TMCO4: variants seen among roughly 807,000 people sequenced by gnomAD.
TMCO4 encodes transmembrane and coiled-coil domain-containing protein 4.
In TMCO4, 58 loss-of-function variants were observed where a neutral mutation model predicts 64.7. The observed-to-expected ratio is 0.90, with a 90% confidence interval of 0.73 to 1.12. The LOEUF (loss-of-function observed/expected upper bound fraction) is 1.12. Ranked by LOEUF, TMCO4 falls within the 50% of genes most tolerant of loss-of-function variation. The pLI is 0.00. For missense variants in TMCO4, 780 were observed against 825.9 expected (o/e 0.94, Z 0.68); for synonymous variants, 325 against 346.1 (o/e 0.94, Z 0.68).
chr1:19,689,613 T>C (rs1202864589), intron 15 of TMCO4, among the ~76,000 whole-genome samples: 2 of 152,258 alleles, frequency 1.3e-5, no homozygotes, highest in Non-Finnish European at 2.9e-5. Context: ...CATGCCTCTC[T>C]GGTGCCAAAG....
chr1:19,752,610 A>T (rs1274325034), intron 7 of TMCO4, among the ~76,000 whole-genome samples: 1 of 152,108 alleles, frequency 6.6e-6, no homozygotes, highest in East Asian at 1.9e-4. Flanking sequence ...AGGTCTACAG[A>T]CACTTTCCTA....
intron 13 of TMCO4, among the ~76,000 whole-genome samples, chr1:19,729,898 T>C (rs1484730087): frequency 6.6e-6 from 1 of 152,238 alleles, no homozygotes; most frequent in East Asian, 1.9e-4. Context: ...TGCATGCCTG[T>C]ATTAAAATAT....
intron 6 of TMCO4, among the ~76,000 whole-genome samples, chr1:19,758,889 T>C (rs1448745568): frequency 1.3e-5 from 2 of 151,898 alleles, no homozygotes; most frequent in Non-Finnish European, 2.9e-5. Context: ...TCACTTGAGG[T>C]CAGGAGTTCA....
At chr1:19,770,640 T>C (rs2042939060) in intron 5 of TMCO4, 71 bp from the exon 6 acceptor site, 2 of 1,498,800 alleles carry the variant, frequency 1.3e-6, no homozygotes, top group Admixed American at 3.8e-5. Context: ...TGACAAATAT[T>C]GACTCCTACC....
Position 19,745,513 on chromosome 1 carries a change from T to C in TMCO4, c.877+19A>G. 1 of 1,614,036 alleles carries C rather than the reference T, an allele frequency of 6.2e-7. No homozygotes were observed. ...ACCACTGCCCACCCCCCTCCACTTC[T>C]GGTCCTCCTGGTCCTCACGGTATTT... On this transcript the variant is annotated intron_variant, in intron 10 of 15. Transcript: ENST00000294543.
rs1244864461 is a variant in TMCO4 at position 19,770,561 on chromosome 1, C to T, written c.363G>A (p.Leu121=). 6.2e-7 allele frequency: 1 copy of T among 1,613,610 alleles called. No individual in the cohort carries two copies. Among genetic ancestry groups the T allele is most frequent in the African/African-American group, 1.3e-5 (1 of 74,898 alleles). ...DDPTVITQDL[L]SFSLKDGHYD... ...ACTTACCATCCTTGAGTGAGAAGCT[C>T]AGAAGGTCCTGAGGGAGAAGACAAC... The change falls in exon 6 of 16, where the codon CTG becomes CTA. Residue 121 remains leucine (L), a synonymous_variant. Transcript: ENST00000294543.
In TMCO4 at chr1:19,732,053, G is replaced by A. The variant is rs547585941; in HGVS notation, c.1264+5319C>T. ...GGACAGCGGGGGTTTTAAACTGAGCGGGGCCTGTGCACCCAGCTGCATGGG... is the reference window on the plus strand; with the variant it reads ...GGACAGCGGGGGTTTTAAACTGAGCAGGGCCTGTGCACCCAGCTGCATGGG... On this transcript the variant is annotated intron_variant, in intron 13 of 15. Coordinates refer to ENST00000294543, the MANE Select transcript of TMCO4 (RefSeq NM_181719.7). The surrounding 1 kb of genome is among the most constrained non-coding windows in gnomAD (Gnocchi z 4.8). Among the ~76,000 whole-genome samples the A allele has an allele frequency of 4.6e-5, 7 of 152,178 alleles. No individual in the cohort carries two copies. The highest frequency in any genetic ancestry group is 2.0e-4 in the Admixed American group (3 of 15,276).
intron 2 of TMCO4, among the ~76,000 whole-genome samples, chr1:19,797,505 G>A (rs1016537207): frequency 3.3e-5 from 5 of 152,108 alleles, no homozygotes; most frequent in African/African-American, 7.2e-5. Context: ...GCGGCTGGAG[G>A]TGTAGGCCAG....
intron 6 of TMCO4, among the ~76,000 whole-genome samples, chr1:19,761,192 T>C (rs996646720): frequency 5.9e-5 from 9 of 152,114 alleles, no homozygotes; most frequent in Admixed American, 5.9e-4. Context: ...GCAGCCTGGG[T>C]GCAGATGCTG....
chr1:19,729,708 T>A (rs2100782483), intron 13 of TMCO4, among the ~76,000 whole-genome samples: 1 of 152,124 alleles, frequency 6.6e-6, no homozygotes, highest in East Asian at 1.9e-4. Context: ...GAGGTTGCAG[T>A]AAGCTGAGAT....
chr1:19,710,736 A>G (rs1010516856), intron 13 of TMCO4, among the ~76,000 whole-genome samples: 4 of 152,248 alleles, frequency 2.6e-5, no homozygotes, highest in African/African-American at 9.6e-5. Flanking sequence ...GACACCTGAC[A>G]TCTTTCAAAA....
chr1:19,737,348 T>G (rs1272553096), intron 13 of TMCO4, 24 bp downstream of exon 13: 4 of 1,604,718 alleles, frequency 2.5e-6, no homozygotes, highest in Non-Finnish European at 3.4e-6. Context: ...AGGGTTTCCG[T>G]CTGTGACAAT....
At chr1:19,716,233 G>T in intron 13 of TMCO4, among the ~76,000 whole-genome samples, 1 of 150,086 alleles carries the variant, frequency 6.7e-6, no homozygotes, top group Non-Finnish European at 1.5e-5. Context: ...TGTCCAGGCT[G>T]GAGCGCAGTG....
At chr1:19,688,030 T>C (rs116279836) in intron 15 of TMCO4, among the ~76,000 whole-genome samples, 1,547 of 152,212 alleles carry the variant, frequency 0.01, 17 homozygotes, top group South Asian at 0.029. Flanking sequence ...AAAGTTCTGG[T>C]GTAGCCGATA....
At chr1:19,736,786 C>T (rs2095456774) in intron 13 of TMCO4, among the ~76,000 whole-genome samples, 1 of 152,146 alleles carries the variant, frequency 6.6e-6, no homozygotes, top group Non-Finnish European at 1.5e-5. Context: ...TGGTGAACCC[C>T]CAGAAGATAT....
chr1:19,771,602 G>C, intron 4 of TMCO4, 120 bp from the exon 5 acceptor site: 1 of 998,774 alleles, frequency 1.0e-6, no homozygotes, highest in Non-Finnish European at 1.4e-6. Flanking sequence ...TACTGACTGT[G>C]ATCCCTCAAA....
rs199727655 is a variant in TMCO4 at position 19,745,532 on chromosome 1, G to A, written c.877C>T (p.Arg293Cys). Reference sequence around the variant, plus strand: ...CACTTCTGGTCCTCCTGGTCCTCACGGTATTTGCCAGAAGCGAGCCACCCC... The same window carrying A: ...CACTTCTGGTCCTCCTGGTCCTCACAGTATTTGCCAGAAGCGAGCCACCCC... ...VTGWLASGKYRTFSAPWAALA... is the reference protein window; with the variant it reads ...VTGWLASGKYCTFSAPWAALA... The change falls in exon 10 of 16, where the codon CGC becomes TGC. Residue 293 changes from arginine (R) to cysteine (C), a missense_variant and splice_region_variant. Physicochemically the swap from Arg to Cys is radical, Grantham distance 180 (BLOSUM62 -3). Coordinates refer to ENST00000294543, the MANE Select transcript of TMCO4 (RefSeq NM_181719.7). 2.8e-4 allele frequency: 451 copies of A among 1,613,918 alleles called. No individual in the cohort carries two copies. Among genetic ancestry groups the A allele is most frequent in the Non-Finnish European group, 3.5e-4 (414 of 1,180,012 alleles).
At chr1:19,749,894 G>A (rs2041953641) in intron 7 of TMCO4, among the ~76,000 whole-genome samples, 1 of 151,202 alleles carries the variant, frequency 6.6e-6, no homozygotes, top group Admixed American at 6.6e-5. Flanking sequence ...ACTTGTTATG[G>A]CAGCAAAACC....
chr1:19,751,519 C>A (rs981562653), intron 7 of TMCO4, among the ~76,000 whole-genome samples: 2 of 152,150 alleles, frequency 1.3e-5, no homozygotes, highest in Non-Finnish European at 2.9e-5. Flanking sequence ...ATCGCTTGAA[C>A]CTGCGAGGTC....
Sources: gnomAD v4.1 joint callset for allele counts (sites outside exome capture counted in the v4.1 genomes callset) on GRCh38, gnomAD v4.1.1 for gene constraint, Gnocchi (gnomAD v3.1) non-coding constraint, MANE v1.5 for transcripts, NCBI Gene and HGNC (gene_info 2026-07-23, HGNC 2026-07-21) for gene names.